Variants in CDKAL1 observed in about 807,000 individuals in gnomAD.
CDKAL1 encodes threonylcarbamoyladenosine tRNA methylthiotransferase.
In CDKAL1, 32 loss-of-function variants were observed where a neutral mutation model predicts 68.2. The ratio of observed to expected loss-of-function variants is 0.47; its 90% CI spans 0.35 to 0.63. CDKAL1 has a LOEUF of 0.63. Among genes scored for constraint, CDKAL1 ranks in the 30% least tolerant of loss-of-function variants. The pLI is 0.00. For synonymous variants in CDKAL1, 234 were observed against 244.3 expected, an observed-to-expected ratio of 0.96 and a Z score of 0.39; for missense variants, 606 against 696.7, an observed-to-expected ratio of 0.87 and a Z score of 1.47.
intron 10 of CDKAL1, among the ~76,000 whole-genome samples, chr6:20,964,424 G>A (rs535251310): frequency 1.3e-5 from 2 of 152,306 alleles, no homozygotes; most frequent in East Asian, 1.9e-4. Context: ...GCCCATCAGT[G>A]ATAGACTAGA....
chr6:20,715,953 A>G (rs969113686), intron 5 of CDKAL1, among the ~76,000 whole-genome samples: 1 of 152,076 alleles, frequency 6.6e-6, no homozygotes, highest in African/African-American at 2.4e-5. Context: ...TTACTATTTC[A>G]CTTGTAATTT....
At chr6:21,134,979 A>G (rs1345699288) in intron 13 of CDKAL1, among the ~76,000 whole-genome samples, 1 of 152,090 alleles carries the variant, frequency 6.6e-6, no homozygotes, top group Admixed American at 6.6e-5. Context: ...AAATATGCCC[A>G]CCACTAAGAG....
rs974061991 is a variant in CDKAL1 at position 20,593,131 on chromosome 6, T to C, written c.286+44426T>C. Among the ~76,000 whole-genome samples, 65 of 152,134 alleles carry C rather than the reference T, an allele frequency of 4.3e-4. 1 individual carries two copies. The highest frequency in any genetic ancestry group is 1.5e-3 in the African/African-American group (64 of 41,416). ...TCAGGGATATTGGTCTGAAATTTTC[T>C]TTTTTTGTTGTGTCTCTGCCAGGTT... is the stretch of plus-strand genomic sequence containing the variant. On this transcript the variant is annotated intron_variant, in intron 4 of 15. Transcript: ENST00000274695.
chr6:21,195,477 T>A (rs11753415), intron 13 of CDKAL1, among the ~76,000 whole-genome samples: 4,392 of 118,574 alleles, frequency 0.037, 138 homozygotes, highest in Admixed American at 0.075. Flanking sequence ...GAGATGTTTT[T>A]TTTATTTATT....
chr6:20,890,177 G>T (rs560719213), intron 9 of CDKAL1, among the ~76,000 whole-genome samples: 1 of 152,330 alleles, frequency 6.6e-6, no homozygotes, highest in South Asian at 2.1e-4. Flanking sequence ...GTATGTTTAT[G>T]GGACTGTTAG....
chr6:21,108,760 C>T (rs569163779), intron 13 of CDKAL1, among the ~76,000 whole-genome samples: 1 of 152,088 alleles, frequency 6.6e-6, no homozygotes, highest in South Asian at 2.1e-4. Context: ...TTTTTTCTTT[C>T]CAAACACTGT....
At position 20,559,221 on chromosome 6, in the gene CDKAL1, T is replaced by G. The variant is rs1048921969; in HGVS notation, c.286+10516T>G. On this transcript the variant is annotated intron_variant, in intron 4 of 15. Coordinates refer to ENST00000274695, the MANE Select transcript of CDKAL1 (RefSeq NM_017774.3). ...AATCAAATAGTGTCAACCTTAAAAT[T>G]TTTTTAAGCAATATTTTTCTTATGT... 2.6e-5 allele frequency: 4 copies of G among 152,304 alleles called. No homozygotes were observed. The East Asian group carries it at 7.7e-4, about 29-fold the overall frequency. 9.4% of individuals were successfully genotyped at this position (152,304 alleles called of 1,614,324 possible). A position where few individuals can be genotyped will look rare whatever the true frequency, so the allele number is the denominator to read the frequency against.
At chr6:20,602,763 A>G (rs1021264619) in intron 4 of CDKAL1, among the ~76,000 whole-genome samples, 5 of 151,980 alleles carry the variant, frequency 3.3e-5, no homozygotes, top group Admixed American at 2.6e-4. Context: ...ATTCCCTGGG[A>G]TATCAGTTTT....
intron 8 of CDKAL1, among the ~76,000 whole-genome samples, chr6:20,810,438 A>G (rs893353426): frequency 2.2e-4 from 21 of 96,816 alleles, no homozygotes; most frequent in Non-Finnish European, 4.1e-4. Flanking sequence ...ACACACACAC[A>G]CACACACGTG....
chr6:20,801,928 GCAA>G (rs1776380305), intron 8 of CDKAL1, among the ~76,000 whole-genome samples: 2 of 152,158 alleles, frequency 1.3e-5, no homozygotes, highest in South Asian at 4.2e-4. Flanking sequence ...GTGCTATTAT[GCAA>G]CAACTTGATA....
At chr6:20,597,680 G>T (rs895628887) in intron 4 of CDKAL1, among the ~76,000 whole-genome samples, 3 of 152,234 alleles carry the variant, frequency 2.0e-5, no homozygotes, top group Non-Finnish European at 4.4e-5. Flanking sequence ...CTCCCAAAGT[G>T]CTGGGATTAC....
Position 20,546,362 on chromosome 6 carries a change from A to G in CDKAL1, c.12A>G (p.Ala4=), listed in dbSNP as rs1286348045. 6.2e-7 allele frequency: 1 copy of G among 1,611,772 alleles called. No individual in the cohort carries two copies. Among genetic ancestry groups the G allele is most frequent in the Admixed American group, 1.7e-5 (1 of 59,580 alleles). The change falls in exon 3 of 16, where the codon GCA becomes GCG. Residue 4 remains alanine (A), a synonymous_variant. Coordinates refer to ENST00000274695, the MANE Select transcript of CDKAL1 (RefSeq NM_017774.3). MPS[A]SCDTLLDDIE... ...ATGTGGTAGAGAATATGCCTTCTGC[A>G]TCCTGTGATACACTACTGGATGACA...
At chr6:20,589,195 G>C (rs2127698671) in intron 4 of CDKAL1, among the ~76,000 whole-genome samples, 1 of 152,122 alleles carries the variant, frequency 6.6e-6, no homozygotes, top group East Asian at 1.9e-4. Context: ...TGATATCATT[G>C]ATTAGAACCA....
Position 21,091,949 on chromosome 6 carries a change from T to G in CDKAL1, c.1237-16452T>G, listed in dbSNP as rs529766899. On this transcript the variant is annotated intron_variant, in intron 12 of 15. Transcript: ENST00000274695. ...TCGCCCAGGCTGGAGTGCAGTGGCGTGATCTCGGCTCACTGCAAGCTCCGC... is the reference window on the plus strand; with the variant it reads ...TCGCCCAGGCTGGAGTGCAGTGGCGGGATCTCGGCTCACTGCAAGCTCCGC... 2.5e-3 allele frequency among the ~76,000 whole-genome samples: 330 copies of G among 132,082 alleles called. 2 individuals carry two copies. Among genetic ancestry groups the G allele is most frequent in the Non-Finnish European group, 3.7e-3 (242 of 64,614 alleles). 86.7% of individuals were successfully genotyped at this position (132,082 alleles called of 152,430 possible). A position where few individuals can be genotyped will look rare whatever the true frequency, so the allele number is the denominator to read the frequency against.
At chr6:20,905,433 G>T (rs1762189023) in intron 9 of CDKAL1, among the ~76,000 whole-genome samples, 1 of 152,152 alleles carries the variant, frequency 6.6e-6, no homozygotes, top group African/African-American at 2.4e-5. Flanking sequence ...CATGAATGGA[G>T]TATAAGGGAC....
intron 13 of CDKAL1, among the ~76,000 whole-genome samples, chr6:21,187,983 G>A (rs575774478): frequency 6.6e-6 from 1 of 152,234 alleles, no homozygotes; most frequent in East Asian, 1.9e-4. Context: ...TTTATTCGTT[G>A]AAAATTAAGT....
chr6:20,641,127 C>T (rs897305831), intron 4 of CDKAL1, among the ~76,000 whole-genome samples: 1 of 152,062 alleles, frequency 6.6e-6, no homozygotes, highest in Non-Finnish European at 1.5e-5. Flanking sequence ...AAGCTTTTAG[C>T]AGGCAAGGGA....
chr6:21,065,442 T>G (rs1771381885), intron 12 of CDKAL1, among the ~76,000 whole-genome samples: 1 of 152,098 alleles, frequency 6.6e-6, no homozygotes, highest in Non-Finnish European at 1.5e-5. Context: ...TTTTGAACAG[T>G]AAAATTCAGA....
At chr6:20,951,167 A>G (rs1036437737) in intron 9 of CDKAL1, among the ~76,000 whole-genome samples, 1 of 152,160 alleles carries the variant, frequency 6.6e-6, no homozygotes, top group Admixed American at 6.5e-5. Flanking sequence ...GGTTATTTTT[A>G]GAGACTACTC....
Sources: allele counts gnomAD v4.1 joint callset (sites outside exome capture counted in the v4.1 genomes callset), GRCh38; gene constraint gnomAD v4.1.1; transcripts MANE v1.5; gene names NCBI Gene and HGNC (gene_info 2026-07-23, HGNC 2026-07-21).